TPO: variants seen among roughly 807,000 people sequenced by gnomAD.
TPO encodes the protein thyroid peroxidase.
In TPO, 78 loss-of-function variants were observed where a neutral mutation model predicts 96.9. That is an observed-to-expected ratio of 0.81 (90% CI 0.67 to 0.97). TPO has a LOEUF of 0.97. TPO is among the 50% of genes least tolerant of loss of function. TPO has a pLI of 0.00. For missense variants in TPO, 1,252 were observed against 1,274.8 expected (o/e 0.98, Z 0.27); for synonymous variants, 547 against 538.0 (o/e 1.02, Z -0.23).
intron 14 of TPO, among the ~76,000 whole-genome samples, chr2:1,506,711 A>G (rs1158194854): frequency 6.6e-6 from 1 of 151,852 alleles, no homozygotes; most frequent in Non-Finnish European, 1.5e-5. Context: ...CATATCCTTC[A>G]CCCGCTTTTT....
intron 15 of TPO, among the ~76,000 whole-genome samples, chr2:1,527,866 T>TCCTCAAATCCCCCCACTGCGTG (rs1676979892): frequency 9.7e-5 from 1 of 10,292 alleles, no homozygotes; most frequent in African/African-American, 4.1e-4. Context: ...CCCACTGTGT[T>TCCTCAAATCCCCCCACTGCGTG]CAACCTCCTC....
intron 1 of TPO, among the ~76,000 whole-genome samples, chr2:1,377,538 T>C (rs1661740199): frequency 6.6e-6 from 1 of 152,166 alleles, no homozygotes; most frequent in African/African-American, 2.4e-5. Flanking sequence ...GAGCTCAAAA[T>C]GAACCCAGAC....
At chr2:1,405,033 A>C in intron 1 of TPO, among the ~76,000 whole-genome samples, 2 of 151,132 alleles carry the variant, frequency 1.3e-5, no homozygotes, top group East Asian at 2.0e-4. Context: ...TCCTTTATTC[A>C]CTCATCCATG....
At position 1,422,364 on chromosome 2, in the gene TPO, G is replaced by GCCTCTC. The variant is rs1558264520; in HGVS notation, c.95-680_95-679insCTCTCC. Among the ~76,000 whole-genome samples, 33 of 118,198 alleles carry GCCTCTC rather than the reference G, an allele frequency of 2.8e-4. No individual in the cohort carries two copies. The South Asian group carries it at 3.5e-3, about 12-fold the overall frequency. 77.5% of individuals were successfully genotyped at this position (118,198 alleles called of 152,430 possible). A position where few individuals can be genotyped will look rare whatever the true frequency, so the allele number is the denominator to read the frequency against. ...TGGACCGACCTCGTGCAGGCGCCGC[G>GCCTCTC]CTGGACCGACCTCGTGCAGGCGCCG... On this transcript the variant is annotated intron_variant, in intron 2 of 16. Transcript: ENST00000329066.
At chr2:1,541,195 A>G in intron 16 of TPO, 1 of 1,168,866 alleles carries the variant, frequency 8.6e-7, no homozygotes, top group Non-Finnish European at 1.1e-6. Context: ...TGACTTTTGA[A>G]CTGAGAGAAG....
intron 5 of TPO, 124 bp downstream of exon 5, chr2:1,436,508 T>C: frequency 2.0e-6 from 3 of 1,481,054 alleles, no homozygotes; most frequent in Admixed American, 3.8e-5. Flanking sequence ...CCCTGGTTCC[T>C]GTCCTTGGCC....
At chr2:1,384,959 A>G (rs2148348901) in intron 1 of TPO, among the ~76,000 whole-genome samples, 2 of 152,298 alleles carry the variant, frequency 1.3e-5, no homozygotes, top group East Asian at 1.9e-4. Flanking sequence ...TTCTGCATCT[A>G]TTGAGATAAT....
At position 1,537,003 on chromosome 2, in the gene TPO, TCCC is replaced by T. The variant is rs753816767; in HGVS notation, c.2619-3587_2619-3585del. On this transcript the variant is annotated intron_variant, in intron 15 of 16. Transcript: ENST00000329066. ...CTCCCCCACTGTGTGCAACCTCAAATCCCCCCACTGTGTGCAACGTCCTCAAAT... is the reference window on the plus strand; with the variant it reads ...CTCCCCCACTGTGTGCAACCTCAAATCCCACTGTGTGCAACGTCCTCAAAT... Among the ~76,000 whole-genome samples, 17 of 21,152 alleles carry T rather than the reference TCCC, an allele frequency of 8.0e-4. 1 individual carries two copies. In the East Asian group the frequency reaches 0.029, roughly 36 times the overall value. 13.9% of individuals were successfully genotyped at this position (21,152 alleles called of 152,430 possible).
At chr2:1,460,867 T>C (rs1016382288) in intron 7 of TPO, among the ~76,000 whole-genome samples, 2 of 152,008 alleles carry the variant, frequency 1.3e-5, no homozygotes, top group African/African-American at 4.8e-5. Flanking sequence ...GGCTCCACCT[T>C]TGGGCTCCCC....
intron 1 of TPO, among the ~76,000 whole-genome samples, chr2:1,402,750 G>A (rs1000426441): frequency 2.6e-5 from 4 of 152,132 alleles, no homozygotes; most frequent in Admixed American, 2.0e-4. Context: ...CTGCCCCCAG[G>A]ATTTAATTAT....
At chr2:1,391,509 C>G (rs1034028504) in intron 1 of TPO, among the ~76,000 whole-genome samples, 48 of 151,974 alleles carry the variant, frequency 3.2e-4, no homozygotes, top group South Asian at 6.2e-4. Context: ...CTCTTTTTTG[C>G]TTCCATATGA....
intron 8 of TPO, among the ~76,000 whole-genome samples, chr2:1,479,995 T>C (rs1670387967): frequency 6.6e-6 from 1 of 152,174 alleles, no homozygotes; most frequent in African/African-American, 2.4e-5. Flanking sequence ...TTGGCTAGGA[T>C]GGTCTTGAAC....
At chr2:1,446,665 CT>C (rs1368720638) in intron 5 of TPO, among the ~76,000 whole-genome samples, 1 of 152,156 alleles carries the variant, frequency 6.6e-6, no homozygotes, top group African/African-American at 2.4e-5. Context: ...TTTATAGATG[CT>C]CATATTTTCT....
chr2:1,489,942 G>A (rs899585350), intron 10 of TPO, among the ~76,000 whole-genome samples: 1 of 115,524 alleles, frequency 8.7e-6, no homozygotes, highest in African/African-American at 3.2e-5. Flanking sequence ...GAGGAGTCAC[G>A]ACAGAGCAGT....
intron 7 of TPO, among the ~76,000 whole-genome samples, chr2:1,475,207 T>G (rs1455655402): frequency 6.6e-6 from 1 of 152,194 alleles, no homozygotes; most frequent in East Asian, 1.9e-4. Flanking sequence ...GCTCTTCAAT[T>G]TAATTCCTCT....
In TPO at chr2:1,423,148, C is replaced by A. The variant is rs1673281056; in HGVS notation, c.179+19C>A. 1 of 1,611,514 alleles carries A rather than the reference C, an allele frequency of 6.2e-7. No homozygotes were observed. Among genetic ancestry groups the A allele is most frequent in the Non-Finnish European group, 8.5e-7 (1 of 1,179,350 alleles). ...TGCAGAGGTGAGCCTTGCGGAGGGG[C>A]CGCCGCCCCAAATGCCACCGACAGG... On this transcript the variant is annotated intron_variant, in intron 3 of 16. Transcript: ENST00000329066.
At chr2:1,496,336 C>A in intron 12 of TPO, 139 bp downstream of exon 12, 2 of 1,058,690 alleles carry the variant, frequency 1.9e-6, no homozygotes, top group Non-Finnish European at 2.7e-6. Flanking sequence ...CTCAGGGCAG[C>A]TCCTGGGGCG....
chr2:1,480,834 G>GCATC (rs1670559040), intron 8 of TPO, among the ~76,000 whole-genome samples: 5 of 98,698 alleles, frequency 5.1e-5, no homozygotes, highest in Non-Finnish European at 9.6e-5. Flanking sequence ...CCCTGCTGCT[G>GCATC]CGTCTGTCCT....
chr2:1,484,841 A>G lies in TPO; in HGVS notation c.1584A>G (p.Thr528=). ...WLHQAFFSPW[T]LLRGGGLDPL... is the part of the protein sequence containing the mutation. ...ACCAGGCTTTCTTCAGCCCATGGAC[A>G]TTACTCCGTGGAGGTGAGTGAGTGC... The change falls in exon 9 of 17, where the codon ACA becomes ACG. Residue 528 remains threonine, a synonymous_variant. Transcript: ENST00000329066. 6.2e-7 allele frequency: 1 copy of G among 1,613,874 alleles called. No homozygotes were observed. The highest frequency in any genetic ancestry group is 8.5e-7 in the Non-Finnish European group (1 of 1,180,028).
Sources: allele counts gnomAD v4.1 joint callset (sites outside exome capture counted in the v4.1 genomes callset), GRCh38; gene constraint gnomAD v4.1.1; transcripts MANE v1.5; gene names NCBI Gene and HGNC (gene_info 2026-07-23, HGNC 2026-07-21).